Variants in PDE6G observed in about 807,000 individuals in gnomAD.
The protein encoded by PDE6G is phosphodiesterase 6G.
PDE6G carries 10 observed loss-of-function variants against 10.9 expected under a neutral mutation model. The ratio of observed to expected loss-of-function variants is 0.91; its 90% confidence interval spans 0.56 to 1.55. PDE6G has a LOEUF of 1.55. Among genes scored for constraint, PDE6G ranks in the 40% most tolerant of loss-of-function variants. PDE6G has a pLI of 0.00. For missense variants in PDE6G, 102 were observed against 110.1 expected (o/e 0.93, Z 0.33); for synonymous variants, 41 against 42.8 (o/e 0.96, Z 0.16).
intron 1 of PDE6G, among the ~76,000 whole-genome samples, chr17:81,654,233 T>G (rs1423154306): frequency 6.6e-6 from 1 of 152,140 alleles, no homozygotes; most frequent in East Asian, 1.9e-4. Context: ...TGCCTCCATC[T>G]CAAGTTCCCG....
Position 81,651,175 on chromosome 17 carries a change from CA to C in PDE6G, c.188-26del. ...TCTGTGGGAGAAACGGGCCACGGAT[CA>C]GAGAGGATCCCACGGCCTAGGGACC... On this transcript the variant is annotated intron_variant, in intron 3 of 3. Coordinates refer to ENST00000331056, the MANE Select transcript of PDE6G (RefSeq NM_002602.4). The surrounding 1 kb of genome is among the most constrained non-coding windows in gnomAD (Gnocchi z 4.8). The C allele has an allele frequency of 1.9e-6, 3 of 1,573,130 alleles. No individual in the cohort carries two copies. Among genetic ancestry groups the C allele is most frequent in the Non-Finnish European group, 2.6e-6 (3 of 1,142,828 alleles).
chr17:81,655,663 C>T (rs566476525), intron 1 of PDE6G, among the ~76,000 whole-genome samples: 3 of 152,284 alleles, frequency 2.0e-5, no homozygotes, highest in Non-Finnish European at 4.4e-5. Context: ...CACATGCTGC[C>T]GGAAAGTTCT....
chr17:81,654,766 T>TG (rs2036420992), intron 1 of PDE6G, among the ~76,000 whole-genome samples: 1 of 147,070 alleles, frequency 6.8e-6, no homozygotes, highest in Non-Finnish European at 1.5e-5. Flanking sequence ...TTTTTTTTTT[T>TG]AGACGGAGTC....
chr17:81,653,611 C>A lies in PDE6G; in HGVS notation c.-59-247G>T. On this transcript the variant is annotated intron_variant, in intron 1 of 3. Coordinates refer to ENST00000331056, the MANE Select transcript of PDE6G (RefSeq NM_002602.4). The surrounding 1 kb of genome is among the most constrained non-coding windows in gnomAD (Gnocchi z 5.2). ...GCTGGCCACACACAGCTCCGGACTC[C>A]CCCCTGTCCTGGCCTCCCTCGCCCC... 1 of 443,658 alleles carries A rather than the reference C, an allele frequency of 2.3e-6. No homozygotes were observed. Among genetic ancestry groups the A allele is most frequent in the Non-Finnish European group, 4.2e-6 (1 of 237,818 alleles). The allele number at this position is 443,658 out of a possible 1,614,324, so 27.5% of individuals were successfully genotyped here.
upstream of PDE6G, among the ~76,000 whole-genome samples, chr17:81,661,121 C>T (rs1486490102): frequency 6.6e-6 from 1 of 152,212 alleles, no homozygotes; most frequent in East Asian, 1.9e-4. Context: ...GGCATGGTAG[C>T]TCATACCTGT....
intron 1 of PDE6G, among the ~76,000 whole-genome samples, chr17:81,654,100 G>A (rs1044258938): frequency 1.3e-5 from 2 of 152,148 alleles, no homozygotes; most frequent in African/African-American, 4.8e-5. Context: ...ACAGGCGTGA[G>A]CCACCGCACC....
At position 81,651,527 on chromosome 17, in the gene PDE6G, C is replaced by T. The variant is rs2036354987; in HGVS notation, c.187+118G>A. 1 of 858,444 alleles carries T rather than the reference C, an allele frequency of 1.2e-6. No individual in the cohort carries two copies. The highest frequency in any genetic ancestry group is 1.9e-5 in the Admixed American group (1 of 53,296). 53.2% of individuals were successfully genotyped at this position (858,444 alleles called of 1,614,324 possible). Reference sequence around the variant, plus strand: ...AAGAAGTGATGGACAGGCTGGGGGTCCCTAAGTGAAAAGCAGGGGAGGTGG... The same window carrying T: ...AAGAAGTGATGGACAGGCTGGGGGTTCCTAAGTGAAAAGCAGGGGAGGTGG... On this transcript the variant is annotated intron_variant, in intron 3 of 3. Transcript: ENST00000331056. This position sits in a 1 kb window ranked among gnomAD's most constrained non-coding sequence, Gnocchi z 4.8.
upstream of PDE6G, among the ~76,000 whole-genome samples, chr17:81,657,219 A>G (rs1216927325): frequency 6.6e-6 from 1 of 152,194 alleles, no homozygotes; most frequent in Admixed American, 6.5e-5. Context: ...GTTGTTTTCC[A>G]GAAACAGGGA....
chr17:81,650,925 T>C lies in PDE6G; in HGVS notation c.*149A>G. 1 of 705,176 alleles carries C rather than the reference T, an allele frequency of 1.4e-6. No homozygotes were observed. The highest frequency in any genetic ancestry group is 2.6e-6 in the Non-Finnish European group (1 of 381,552). 43.7% of individuals were successfully genotyped at this position (705,176 alleles called of 1,614,324 possible). On this transcript the variant is annotated 3_prime_UTR_variant, in exon 4 of 4. Coordinates refer to ENST00000331056, the MANE Select transcript of PDE6G (RefSeq NM_002602.4). ...GTGGGCTCCTGGTGACTGGTATTAA[T>C]ATGTAGGGGGAGACCTGAGGTTGCA... is the stretch of plus-strand genomic sequence containing the variant.
rs2144397497 is a variant in PDE6G at position 81,651,686 on chromosome 17, C to T, written c.147-1G>A. 6.2e-7 allele frequency: 1 copy of T among 1,614,044 alleles called. No individual in the cohort carries two copies. On this transcript the variant is annotated splice_acceptor_variant, in intron 2 of 3. Coordinates refer to ENST00000331056, the MANE Select transcript of PDE6G (RefSeq NM_002602.4). LOFTEE classifies it high-confidence loss of function. This position sits in a 1 kb window ranked among gnomAD's most constrained non-coding sequence, Gnocchi z 4.8. ...CATTCCAGGGATGTCGTCCCCAAAC[C>T]TGCAAGGACAGAGCACTCAGGGACA...
chr17:81,655,346 C>T (rs1046471418), intron 1 of PDE6G, among the ~76,000 whole-genome samples: 4 of 152,358 alleles, frequency 2.6e-5, no homozygotes, highest in African/African-American at 9.6e-5. Flanking sequence ...GGCTTGGGGA[C>T]GGAGGGTGCC....
At chr17:81,652,823 C>A (rs1267089871) in intron 2 of PDE6G, among the ~76,000 whole-genome samples, 7 of 46,208 alleles carry the variant, frequency 1.5e-4, no homozygotes, top group African/African-American at 2.5e-4. Flanking sequence ...GCTACTTTGG[C>A]AGGTATTAAA....
rs1203015034 is a variant in PDE6G, at chr17:81,650,683, G to A, written c.*391C>T. The A allele has an allele frequency of 2.2e-6, 1 of 458,314 alleles. No individual in the cohort carries two copies. Among genetic ancestry groups the A allele is most frequent in the Admixed American group, 2.3e-5 (1 of 42,666 alleles). 28.4% of individuals were successfully genotyped at this position (458,314 alleles called of 1,614,324 possible). ...TACAGGCAGGACAGGGGGCTGGGGT[G>A]CAGAAGCACTCTGGGGAGACCTGCC... On this transcript the variant is annotated 3_prime_UTR_variant, in exon 4 of 4. Coordinates refer to ENST00000331056, the MANE Select transcript of PDE6G (RefSeq NM_002602.4).
chr17:81,655,748 C>A (rs2036437764), intron 1 of PDE6G, among the ~76,000 whole-genome samples: 1 of 152,352 alleles, frequency 6.6e-6, no homozygotes, highest in African/African-American at 2.4e-5. Flanking sequence ...CTCTTGGGGT[C>A]CCCTTTCCTG....
intron 1 of PDE6G, among the ~76,000 whole-genome samples, chr17:81,655,756 C>T (rs1052613093): frequency 2.6e-5 from 4 of 152,244 alleles, no homozygotes; most frequent in Non-Finnish European, 5.9e-5. Context: ...GTCCCCTTTC[C>T]TGCCCCTGGT....
In PDE6G at chr17:81,653,174, C is replaced by T. The variant is rs2036390190; in HGVS notation, c.132G>A (p.Lys44=). The T allele has an allele frequency of 6.2e-7, 1 of 1,613,842 alleles. No individual in the cohort carries two copies. Among genetic ancestry groups the T allele is most frequent in the African/African-American group, 1.3e-5 (1 of 74,910 alleles). The change falls in exon 2 of 4, where the codon AAG becomes AAA. Residue 44 remains lysine (K), a synonymous_variant. Coordinates refer to ENST00000331056, the MANE Select transcript of PDE6G (RefSeq NM_002602.4). This position sits in a 1 kb window ranked among gnomAD's most constrained non-coding sequence, Gnocchi z 5.2. ...GCTCTGCTTACCCTTGAACGCCTTTCTTTGGGGGCTTGCTCTTGAACTGCC... is the reference window on the plus strand; with the variant it reads ...GCTCTGCTTACCCTTGAACGCCTTTTTTTGGGGGCTTGCTCTTGAACTGCC... ...QTRQFKSKPP[K]KGVQGFGDDI...
chr17:81,658,854 A>T (rs181040385), upstream of PDE6G, among the ~76,000 whole-genome samples: 6 of 152,246 alleles, frequency 3.9e-5, no homozygotes, highest in East Asian at 9.7e-4. Context: ...ATAATAATAA[A>T]AATATAAATA....
intron 1 of PDE6G, 144 bp downstream of exon 1, chr17:81,656,349 G>T (rs568929328): frequency 2.2e-5 from 14 of 640,744 alleles, no homozygotes; most frequent in African/African-American, 1.6e-4. Flanking sequence ...ACAGGGTGGC[G>T]GGTAGGCATC....
intron 1 of PDE6G, among the ~76,000 whole-genome samples, chr17:81,656,129 C>A (rs2036443242): frequency 6.6e-6 from 1 of 152,228 alleles, no homozygotes; most frequent in South Asian, 2.1e-4. Flanking sequence ...GCTCTGGGCC[C>A]TGATGGAGCT....
Sources: allele counts gnomAD v4.1 joint callset (sites outside exome capture counted in the v4.1 genomes callset), GRCh38; gene constraint gnomAD v4.1.1; non-coding constraint Gnocchi (gnomAD v3.1); transcripts MANE v1.5; gene names NCBI Gene and HGNC (gene_info 2026-07-23, HGNC 2026-07-21).